Variants in ELL observed in about 807,000 individuals in gnomAD.
ELL encodes the protein elongation factor for RNA polymerase II.
A neutral mutation model predicts 64.0 loss-of-function variants in ELL; 18 were observed. That is an observed-to-expected ratio of 0.28 (90% CI 0.19 to 0.42). ELL has a LOEUF of 0.42. Among genes scored for constraint, ELL ranks in the 10% least tolerant of loss-of-function variants. ELL has a pLI of 1.00. For synonymous variants in ELL, 399 were observed against 376.2 expected, an observed-to-expected ratio of 1.06 and a Z score of -0.70; for missense variants, 797 against 870.4, an observed-to-expected ratio of 0.92 and a Z score of 1.06.
chr19:18,464,148 C>A (rs1010785698), intron 4 of ELL, among the ~76,000 whole-genome samples: 2 of 152,160 alleles, frequency 1.3e-5, no homozygotes, highest in Non-Finnish European at 2.9e-5. Flanking sequence ...GCGAAAGGAT[C>A]ATTTGAGCCC....
At position 18,502,012 on chromosome 19, in the gene ELL, G is replaced by A. The variant is rs958066986; in HGVS notation, c.135+19909C>T. The stretch of plus-strand genomic sequence containing the variant: ...GAAGACACACGATCAGGAACCAGGC[G>A]TCACCCCCAGAGGCTGCTGGAGTGC... On this transcript the variant is annotated intron_variant, in intron 1 of 11. Transcript: ENST00000262809. Among the ~76,000 whole-genome samples, 4 of 152,152 alleles carry A rather than the reference G, an allele frequency of 2.6e-5. No individual in the cohort carries two copies. In the South Asian group the frequency reaches 6.2e-4, roughly 24 times the overall value.
chr19:18,521,297 A>T (rs959383499), intron 1 of ELL, among the ~76,000 whole-genome samples: 1 of 152,078 alleles, frequency 6.6e-6, no homozygotes, highest in African/African-American at 2.4e-5. Context: ...GTTTCTGCCC[A>T]AACTCCCCGT....
At chr19:18,489,246 G>A (rs7251067) in intron 1 of ELL, among the ~76,000 whole-genome samples, 22,445 of 152,266 alleles carry the variant, frequency 0.15, 1,754 homozygotes, top group South Asian at 0.2. Flanking sequence ...TGGTGCAGGT[G>A]TGAGCGAGGG....
chr19:18,465,640 C>T, intron 3 of ELL, 65 bp from the exon 4 acceptor site: 2 of 1,487,588 alleles, frequency 1.3e-6, no homozygotes, highest in African/African-American at 1.4e-5. Flanking sequence ...CCGTTGAGGG[C>T]CCAAGCCCCC....
At chr19:18,511,249 A>G (rs1976014915) in intron 1 of ELL, among the ~76,000 whole-genome samples, 1 of 146,824 alleles carries the variant, frequency 6.8e-6, no homozygotes, top group Non-Finnish European at 1.5e-5. Flanking sequence ...CCTGGGTGAC[A>G]GAGCGAAACT....
At chr19:18,515,157 G>A (rs1196109670) in intron 1 of ELL, among the ~76,000 whole-genome samples, 1 of 152,232 alleles carries the variant, frequency 6.6e-6, no homozygotes, top group African/African-American at 2.4e-5. Flanking sequence ...CGAGTGCAGA[G>A]CTCAGTCCCT....
chr19:18,456,805 A>G (rs1370288977), intron 6 of ELL, among the ~76,000 whole-genome samples: 1 of 152,126 alleles, frequency 6.6e-6, no homozygotes, highest in African/African-American at 2.4e-5. Context: ...GGGCCCCCAC[A>G]TCCCATCTGT....
chr19:18,509,916 A>G (rs371035721), intron 1 of ELL, among the ~76,000 whole-genome samples: 1 of 152,186 alleles, frequency 6.6e-6, no homozygotes, highest in African/African-American at 2.4e-5. Flanking sequence ...TAATCCAAAA[A>G]GGGCTAAAAA....
At chr19:18,503,152 C>T (rs1039402748) in intron 1 of ELL, among the ~76,000 whole-genome samples, 2 of 152,240 alleles carry the variant, frequency 1.3e-5, no homozygotes, top group Non-Finnish European at 1.5e-5. Flanking sequence ...CAGGCTGGCA[C>T]CCAGCGCAGG....
Position 18,465,394 on chromosome 19 carries a change from G to A in ELL, c.469+18C>T, listed in dbSNP as rs1351981834. The A allele has an allele frequency of 6.3e-7, 1 of 1,582,112 alleles. No homozygotes were observed. The highest frequency in any genetic ancestry group is 1.1e-5 in the South Asian group (1 of 87,376). ...AGCTGCCCGGCTGCCCTACAGCCCT[G>A]CCAAACCCACTGCTCACCCAGGTAG... On this transcript the variant is annotated intron_variant, in intron 4 of 11. Coordinates refer to ENST00000262809, the MANE Select transcript of ELL (RefSeq NM_006532.4).
intron 1 of ELL, chr19:18,473,271 G>A: frequency 2.0e-6 from 1 of 506,810 alleles, no homozygotes; most frequent in Admixed American, 2.3e-5. Flanking sequence ...CCAGGAAAAA[G>A]CAAAGACAGG....
At position 18,444,650 on chromosome 19, in the gene ELL, C is replaced by G. The variant is rs1974370808; in HGVS notation, c.*102G>C. 3.0e-6 allele frequency: 4 copies of G among 1,314,374 alleles called. No individual in the cohort carries two copies. The Admixed American group carries it at 8.7e-5, about 29-fold the overall frequency. The allele number at this position is 1,314,374 out of a possible 1,614,324, so 81.4% of individuals were successfully genotyped here. A position where few individuals can be genotyped will look rare whatever the true frequency, so the allele number is the denominator to read the frequency against. On this transcript the variant is annotated 3_prime_UTR_variant, in exon 12 of 12. Coordinates refer to ENST00000262809, the MANE Select transcript of ELL (RefSeq NM_006532.4). ...CTGCCCTGAAAGCCGGCGGTGCTGG[C>G]TCAGATGAGCATCTTCCTCGGGTTT...
In ELL at chr19:18,446,432, G is replaced by A. The variant is rs979134731; in HGVS notation, c.1581C>T (p.Asn527=). Residue 527 remains asparagine, a synonymous_variant, in exon 10 of 12, where the codon AAC becomes AAT. Coordinates refer to ENST00000262809, the MANE Select transcript of ELL (RefSeq NM_006532.4). The part of the protein sequence containing the change: ...SSSEQRQSYK[N]DFNAEYSEYR... ...ACTCGCTGTACTCGGCATTGAAGTC[G>A]TTCTTGTAGCTCTGGCGCTGCTCCG... is the stretch of plus-strand genomic sequence containing the variant. The A allele has an allele frequency of 7.4e-6, 12 of 1,612,920 alleles. No individual in the cohort carries two copies. The highest frequency in any genetic ancestry group is 5.0e-5 in the Admixed American group (3 of 59,994).
At chr19:18,480,524 G>T (rs1975277999) in intron 1 of ELL, among the ~76,000 whole-genome samples, 1 of 152,270 alleles carries the variant, frequency 6.6e-6, no homozygotes, top group African/African-American at 2.4e-5. Context: ...TGCCAGCCTG[G>T]GAGGACAGAT....
At chr19:18,497,754 C>T (rs567398640) in intron 1 of ELL, among the ~76,000 whole-genome samples, 3 of 139,492 alleles carry the variant, frequency 2.2e-5, no homozygotes, top group African/African-American at 8.3e-5. Flanking sequence ...GAGATCAAGG[C>T]TGCAGTGAGC....
chr19:18,500,959 C>T (rs1166103780), intron 1 of ELL, among the ~76,000 whole-genome samples: 1 of 151,126 alleles, frequency 6.6e-6, no homozygotes, highest in African/African-American at 2.4e-5. Flanking sequence ...AAATTCAACT[C>T]CACAGAGTTG....
At chr19:18,482,406 C>T (rs1383815068) in intron 1 of ELL, among the ~76,000 whole-genome samples, 1 of 149,332 alleles carries the variant, frequency 6.7e-6, no homozygotes, top group Non-Finnish European at 1.5e-5. Flanking sequence ...CAACCTCCGC[C>T]TCCTGGGTTG....
chr19:18,487,627 C>A (rs1398667218), intron 1 of ELL, among the ~76,000 whole-genome samples: 1 of 152,218 alleles, frequency 6.6e-6, no homozygotes, highest in Non-Finnish European at 1.5e-5. Context: ...GCATCTTCCA[C>A]TGAGGAACAT....
chr19:18,484,450 G>A (rs896860145), intron 1 of ELL, among the ~76,000 whole-genome samples: 1 of 152,176 alleles, frequency 6.6e-6, no homozygotes, highest in Non-Finnish European at 1.5e-5. Context: ...GGGCAACAGA[G>A]TGAGACTCAG....
Sources: gnomAD v4.1 joint callset for allele counts (sites outside exome capture counted in the v4.1 genomes callset) on GRCh38, gnomAD v4.1.1 for gene constraint, MANE v1.5 for transcripts, NCBI Gene and HGNC (gene_info 2026-07-23, HGNC 2026-07-21) for gene names.